The following SDC2 variants were observed in gnomAD, a reference collection of about 807,000 sequenced individuals.
The protein encoded by SDC2 is syndecan-2.
Under a neutral mutation model 22.2 loss-of-function variants are expected in SDC2, and 13 were observed. The ratio of observed to expected loss-of-function variants is 0.59; its 90% CI spans 0.38 to 0.93. The LOEUF (loss-of-function observed/expected upper bound fraction) is 0.93, where lower values mean the gene tolerates loss of function less well. SDC2 is among the 40% of genes least tolerant of loss of function. The pLI is 0.00. For synonymous variants in SDC2, 94 were observed against 92.8 expected (o/e 1.01, Z -0.07); for missense variants, 235 against 246.8 (o/e 0.95, Z 0.32).
intron 1 of SDC2, among the ~76,000 whole-genome samples, chr8:96,535,215 G>A (rs903896559): frequency 4.6e-5 from 7 of 152,042 alleles, no homozygotes; most frequent in African/African-American, 1.7e-4. Context: ...CACCATGTTG[G>A]CCAGGCTGGT....
At chr8:96,547,468 A>G (rs906005219) in intron 1 of SDC2, among the ~76,000 whole-genome samples, 2 of 152,212 alleles carry the variant, frequency 1.3e-5, no homozygotes, top group East Asian at 1.9e-4. Flanking sequence ...GGAAGAAGCC[A>G]CTAGGAACTG....
At chr8:96,539,115 G>T (rs907401865) in intron 1 of SDC2, among the ~76,000 whole-genome samples, 13 of 152,128 alleles carry the variant, frequency 8.5e-5, no homozygotes, top group African/African-American at 3.1e-4. Flanking sequence ...TAATTTTCTC[G>T]TTTTTCTTTT....
intron 1 of SDC2, among the ~76,000 whole-genome samples, chr8:96,549,972 C>T (rs989728783): frequency 6.6e-6 from 1 of 152,014 alleles, no homozygotes; most frequent in Non-Finnish European, 1.5e-5. Context: ...GTTGTATCTG[C>T]TAGGTTTGGA....
chr8:96,538,517 A>AT lies in SDC2; in HGVS notation c.60+44195dup, dbSNP rs34226757. 3.8e-3 allele frequency among the ~76,000 whole-genome samples: 583 copies of AT among 151,814 alleles called. 3 individuals carry two copies. The highest frequency in any genetic ancestry group is 0.013 in the African/African-American group (528 of 41,334). On this transcript the variant is annotated intron_variant, in intron 1 of 4. Coordinates refer to ENST00000302190, the MANE Select transcript of SDC2 (RefSeq NM_002998.4). Reference sequence around the variant, plus strand: ...AAGTCTTTCTAAAGCATATAGAGGTATTTTTTTTTCCAGTGTTTCAAGGTC... The same window carrying AT: ...AAGTCTTTCTAAAGCATATAGAGGTATTTTTTTTTTCCAGTGTTTCAAGGTC...
chr8:96,498,036 T>G (rs572144337), intron 1 of SDC2, among the ~76,000 whole-genome samples: 17 of 152,324 alleles, frequency 1.1e-4, no homozygotes, highest in African/African-American at 4.1e-4. Context: ...TTATTTAACT[T>G]TTTTAGTCAA....
At chr8:96,583,717 G>GTGTA (rs1305001793) in intron 1 of SDC2, among the ~76,000 whole-genome samples, 49 of 116,730 alleles carry the variant, frequency 4.2e-4, no homozygotes, top group African/African-American at 1.2e-3. Flanking sequence ...GTGTGTGTGT[G>GTGTA]TATATATATA....
chr8:96,563,044 C>G (rs1304298660), intron 1 of SDC2, among the ~76,000 whole-genome samples: 1 of 152,176 alleles, frequency 6.6e-6, no homozygotes, highest in African/African-American at 2.4e-5. Flanking sequence ...AATTACTGTT[C>G]CATTGTTACA....
intron 1 of SDC2, among the ~76,000 whole-genome samples, chr8:96,545,478 C>G (rs1813916542): frequency 6.6e-6 from 1 of 152,050 alleles, no homozygotes; most frequent in African/African-American, 2.4e-5. Flanking sequence ...ATTTGCCTTT[C>G]AAAATGAGTA....
chr8:96,566,996 G>A (rs1814310778), intron 1 of SDC2, among the ~76,000 whole-genome samples: 1 of 152,170 alleles, frequency 6.6e-6, no homozygotes, highest in Non-Finnish European at 1.5e-5. Context: ...TGGGATTACA[G>A]GCAGCAATCA....
At chr8:96,543,064 G>GT (rs1813877785) in intron 1 of SDC2, among the ~76,000 whole-genome samples, 1 of 152,132 alleles carries the variant, frequency 6.6e-6, no homozygotes, top group African/African-American at 2.4e-5. Context: ...ACATTTAGAT[G>GT]TTTTTTGGAT....
At chr8:96,540,377 G>A (rs1269018610) in intron 1 of SDC2, among the ~76,000 whole-genome samples, 2 of 107,896 alleles carry the variant, frequency 1.9e-5, no homozygotes, top group East Asian at 4.8e-4. Flanking sequence ...GGGTGTGGCA[G>A]TGTTTGCCTG....
intron 2 of SDC2, among the ~76,000 whole-genome samples, chr8:96,599,832 G>A (rs1814946457): frequency 6.6e-6 from 1 of 152,106 alleles, no homozygotes; most frequent in Admixed American, 6.5e-5. Context: ...GGAGACAGTT[G>A]ATAAATTAAG....
At chr8:96,538,095 T>C (rs543013966) in intron 1 of SDC2, among the ~76,000 whole-genome samples, 1 of 152,324 alleles carries the variant, frequency 6.6e-6, no homozygotes, top group African/African-American at 2.4e-5. Context: ...CCTGAGTAGC[T>C]GGGATTACAG....
intron 1 of SDC2, among the ~76,000 whole-genome samples, chr8:96,526,959 G>C (rs1586280765): frequency 6.6e-6 from 1 of 152,304 alleles, no homozygotes; most frequent in East Asian, 1.9e-4. Flanking sequence ...ACAACAGTCT[G>C]TTCCCAATGT....
rs1207661315 is a variant in SDC2 at position 96,610,399 on chromosome 8, A to G, written c.*851A>G. 6.6e-6 allele frequency: 1 copy of G among 152,614 alleles called. No homozygotes were observed. The highest frequency in any genetic ancestry group is 1.5e-5 in the Non-Finnish European group (1 of 68,034). 9.5% of individuals were successfully genotyped at this position (152,614 alleles called of 1,614,324 possible). On this transcript the variant is annotated 3_prime_UTR_variant, in exon 5 of 5. Transcript: ENST00000302190. ...ACGAGTAGAGGTTTAAAGAAAAATC[A>G]GTTTTTGTTCTTAAAAATGCATTTA...
At chr8:96,577,655 G>A (rs1814526459) in intron 1 of SDC2, among the ~76,000 whole-genome samples, 1 of 152,168 alleles carries the variant, frequency 6.6e-6, no homozygotes, top group Admixed American at 6.5e-5. Context: ...TTTGACAAAT[G>A]CATAATGTCG....
intron 1 of SDC2, among the ~76,000 whole-genome samples, chr8:96,560,020 T>C (rs191140167): frequency 1.3e-5 from 2 of 152,210 alleles, no homozygotes; most frequent in Admixed American, 1.3e-4. Flanking sequence ...ATTTAAAAAG[T>C]GTCCAATTCA....
chr8:96,519,219 C>T (rs1487067176), intron 1 of SDC2, among the ~76,000 whole-genome samples: 1 of 152,138 alleles, frequency 6.6e-6, no homozygotes, highest in Non-Finnish European at 1.5e-5. Context: ...TGCAGTGCTT[C>T]CTGTAATTCC....
At chr8:96,590,084 G>T (rs1292828263) in intron 1 of SDC2, among the ~76,000 whole-genome samples, 1 of 152,196 alleles carries the variant, frequency 6.6e-6, no homozygotes, top group East Asian at 1.9e-4. Flanking sequence ...CCCTCTATCT[G>T]TCTGCCGCAC....
Sources: gnomAD v4.1 joint callset for allele counts (sites outside exome capture counted in the v4.1 genomes callset) on GRCh38, gnomAD v4.1.1 for gene constraint, MANE v1.5 for transcripts, NCBI Gene and HGNC (gene_info 2026-07-23, HGNC 2026-07-21) for gene names.